ZFPM2: variants seen among roughly 807,000 people sequenced by gnomAD.
ZFPM2 encodes zinc finger protein, FOG family member 2.
In ZFPM2, 20 loss-of-function variants were observed where a neutral mutation model predicts 98.6. The observed-to-expected ratio is 0.20, with a 90% CI of 0.14 to 0.29. ZFPM2 has a LOEUF of 0.29. ZFPM2 is among the 10% of genes least tolerant of loss of function. The probability of loss-of-function intolerance (pLI) is 1.00; values close to 1 mark genes in which losing one functional copy is unlikely to be tolerated. For missense variants in ZFPM2, 1,310 were observed against 1,388.6 expected (o/e 0.94, Z 0.90); for synonymous variants, 518 against 502.7 (o/e 1.03, Z -0.41).
chr8:105,347,061 G>A (rs1369613444), intron 1 of ZFPM2, among the ~76,000 whole-genome samples: 2 of 152,064 alleles, frequency 1.3e-5, no homozygotes, highest in Non-Finnish European at 2.9e-5. Flanking sequence ...TTAAAGTTTG[G>A]CCTTTAGTTC....
At chr8:105,474,139 TA>T (rs1261809641) in intron 3 of ZFPM2, among the ~76,000 whole-genome samples, 2 of 152,244 alleles carry the variant, frequency 1.3e-5, no homozygotes, top group Admixed American at 1.3e-4. Flanking sequence ...TGCTCCCGAA[TA>T]AAATCTAAGA....
At chr8:105,355,450 T>C (rs1404035787) in intron 1 of ZFPM2, among the ~76,000 whole-genome samples, 5 of 152,178 alleles carry the variant, frequency 3.3e-5, no homozygotes, top group Non-Finnish European at 7.4e-5. Flanking sequence ...TTCTAGAAAA[T>C]TTCCTACTTG....
In ZFPM2 at chr8:105,783,210, GTTTTTTTTTTTT is replaced by G. The variant is rs753557703; in HGVS notation, c.533-5495_533-5484del. ...ATCTTATCCCTTGTGTTTCTTTATG[GTTTTTTTTTTTT>G]TTTTTTTTTTTTGGTTTTCCTAAAA... is the stretch of plus-strand genomic sequence containing the variant. On this transcript the variant is annotated intron_variant, in intron 5 of 7. Transcript: ENST00000407775. Among the ~76,000 whole-genome samples the G allele has an allele frequency of 2.5e-3, 221 of 88,960 alleles. 1 individual carries two copies. The highest frequency in any genetic ancestry group is 7.2e-3 in the African/African-American group (167 of 23,178). The allele number at this position is 88,960 out of a possible 152,430, so 58.4% of individuals were successfully genotyped here. A position where few individuals can be genotyped will look rare whatever the true frequency, so the allele number is the denominator to read the frequency against.
chr8:105,422,695 A>G (rs1314999510), intron 2 of ZFPM2, among the ~76,000 whole-genome samples: 1 of 152,138 alleles, frequency 6.6e-6, no homozygotes, highest in East Asian at 1.9e-4. Flanking sequence ...GGATATCTTA[A>G]AAGTTCAGAT....
intron 1 of ZFPM2, among the ~76,000 whole-genome samples, chr8:105,372,737 T>C (rs1010762516): frequency 4.3e-4 from 65 of 152,084 alleles, no homozygotes; most frequent in African/African-American, 1.4e-3. Context: ...TACCAGAATA[T>C]GTTTGAGTTA....
At position 105,802,517 on chromosome 8, in the gene ZFPM2, C is replaced by T. The variant is rs1814062010; in HGVS notation, c.2435C>T (p.Ser812Phe). The T allele has an allele frequency of 6.2e-7, 1 of 1,611,978 alleles. No individual in the cohort carries two copies. The highest frequency in any genetic ancestry group is 8.5e-7 in the Non-Finnish European group (1 of 1,179,008). ...ACGATCAACAAGTGTGTTCCAGTTT[C>T]CAAATGTGATACTACTCATTCCAGT... ...SLTINKCVPV[S>F]KCDTTHSSVS... Residue 812 changes from serine (S) to phenylalanine (F), a missense_variant, in exon 8 of 8, where the codon TCC (serine) becomes TTC (phenylalanine). Coordinates refer to ENST00000407775, the MANE Select transcript of ZFPM2 (RefSeq NM_012082.4).
chr8:105,540,528 C>T (rs1359223634), intron 3 of ZFPM2, among the ~76,000 whole-genome samples: 5 of 152,018 alleles, frequency 3.3e-5, no homozygotes, highest in South Asian at 2.1e-4. Context: ...CAATAAATGA[C>T]GTTAAAATTC....
Position 105,698,619 on chromosome 8 carries a change from A to C in ZFPM2, c.532+64262A>C, listed in dbSNP as rs191912249. 5.3e-3 allele frequency among the ~76,000 whole-genome samples: 805 copies of C among 152,296 alleles called. 6 individuals carry two copies. Among genetic ancestry groups the C allele is most frequent in the Non-Finnish European group, 5.7e-3 (390 of 68,008 alleles). On this transcript the variant is annotated intron_variant, in intron 5 of 7. Transcript: ENST00000407775. ...AATAGTCCCAAGTTGGAAAAACTTGATTTAGCATTTTATAGCTTTTAGACG... is the reference window on the plus strand; with the variant it reads ...AATAGTCCCAAGTTGGAAAAACTTGCTTTAGCATTTTATAGCTTTTAGACG...
intron 1 of ZFPM2, among the ~76,000 whole-genome samples, chr8:105,351,906 C>T (rs1812654185): frequency 6.6e-6 from 1 of 152,002 alleles, no homozygotes; most frequent in African/African-American, 2.4e-5. Flanking sequence ...AAAAGATGGG[C>T]ATTTTTCTAG....
intron 4 of ZFPM2, among the ~76,000 whole-genome samples, chr8:105,564,171 T>A (rs1324285240): frequency 6.6e-6 from 1 of 151,982 alleles, no homozygotes; most frequent in Non-Finnish European, 1.5e-5. Flanking sequence ...TTAATATTTT[T>A]AAAAGGCGTT....
At position 105,597,852 on chromosome 8, in the gene ZFPM2, T is replaced by C. The variant is rs184117230; in HGVS notation, c.420+36371T>C. 3.3e-5 allele frequency among the ~76,000 whole-genome samples: 5 copies of C among 152,242 alleles called. No individual in the cohort carries two copies. The East Asian group carries it at 9.7e-4, about 29-fold the overall frequency. On this transcript the variant is annotated intron_variant, in intron 4 of 7. Coordinates refer to ENST00000407775, the MANE Select transcript of ZFPM2 (RefSeq NM_012082.4). Reference sequence around the variant, plus strand: ...CAAATTCCTAATAGTACCGCTGCACTATAACTACATTATATAGGACTATTA... The same window carrying C: ...CAAATTCCTAATAGTACCGCTGCACCATAACTACATTATATAGGACTATTA...
At chr8:105,743,938 GA>G (rs1041725393) in intron 5 of ZFPM2, among the ~76,000 whole-genome samples, 1 of 151,998 alleles carries the variant, frequency 6.6e-6, no homozygotes, top group African/African-American at 2.4e-5. Context: ...GGGTAGCTAT[GA>G]AAAATAATAA....
intron 3 of ZFPM2, among the ~76,000 whole-genome samples, chr8:105,533,245 C>A (rs2130590428): frequency 6.6e-6 from 1 of 152,096 alleles, no homozygotes; most frequent in Non-Finnish European, 1.5e-5. Context: ...AAACATATTT[C>A]AAATGGACTG....
At chr8:105,599,686 G>C (rs1354658988) in intron 4 of ZFPM2, among the ~76,000 whole-genome samples, 1 of 152,028 alleles carries the variant, frequency 6.6e-6, no homozygotes, top group Non-Finnish European at 1.5e-5. Flanking sequence ...GGCTATTACC[G>C]GTTAGCTCCT....
rs113762530 is a variant in ZFPM2, at chr8:105,400,128, C to T, written c.41-19016C>T. Among the ~76,000 whole-genome samples the T allele has an allele frequency of 4.8e-3, 723 of 152,056 alleles. 9 individuals carry two copies. The highest frequency in any genetic ancestry group is 0.016 in the African/African-American group (662 of 41,492). On this transcript the variant is annotated intron_variant, in intron 1 of 7. Coordinates refer to ENST00000407775, the MANE Select transcript of ZFPM2 (RefSeq NM_012082.4). ...ATTTATGTCCATCTATTTATTGCTT[C>T]GTGATTCTTTCATTGTGTCTAAAAT...
intron 4 of ZFPM2, among the ~76,000 whole-genome samples, chr8:105,571,456 C>G (rs1213152573): frequency 6.6e-6 from 1 of 152,194 alleles, no homozygotes; most frequent in Non-Finnish European, 1.5e-5. Flanking sequence ...GTAGAAGTAA[C>G]AAAGCACTGT....
chr8:105,398,691 C>T (rs755986123), intron 1 of ZFPM2, among the ~76,000 whole-genome samples: 4 of 152,102 alleles, frequency 2.6e-5, no homozygotes, highest in Non-Finnish European at 5.9e-5. Flanking sequence ...GATCTGAGAG[C>T]AGGCAGAGCT....
chr8:105,483,715 C>T (rs555460691), intron 3 of ZFPM2, among the ~76,000 whole-genome samples: 79 of 151,468 alleles, frequency 5.2e-4, no homozygotes, highest in African/African-American at 1.7e-3. Flanking sequence ...ATTCTTTTGT[C>T]AGTCATCTGT....
intron 3 of ZFPM2, among the ~76,000 whole-genome samples, chr8:105,459,021 A>C (rs1488221624): frequency 1.1e-4 from 16 of 152,192 alleles, no homozygotes; most frequent in Admixed American, 1.0e-3. Context: ...CTGGGCATGA[A>C]AAATATTCTA....
Sources: allele counts gnomAD v4.1 joint callset (sites outside exome capture counted in the v4.1 genomes callset), GRCh38; gene constraint gnomAD v4.1.1; transcripts MANE v1.5; gene names NCBI Gene and HGNC (gene_info 2026-07-23, HGNC 2026-07-21).